Variants in CFAP61 observed in about 807,000 individuals in gnomAD.
The protein encoded by CFAP61 is cilia- and flagella-associated protein 61.
CFAP61 carries 107 observed loss-of-function variants against 135.6 expected under a neutral mutation model. The observed-to-expected ratio is 0.79, with a 90% CI of 0.67 to 0.93. CFAP61 has a LOEUF of 0.93. CFAP61 is among the 40% of genes least tolerant of loss of function. The pLI is 0.00. For missense variants in CFAP61, 1,507 were observed against 1,556.2 expected, an observed-to-expected ratio of 0.97 and a Z score of 0.53; for synonymous variants, 575 against 578.5, an observed-to-expected ratio of 0.99 and a Z score of 0.09.
intron 21 of CFAP61, among the ~76,000 whole-genome samples, chr20:20,271,600 C>T (rs559984615): frequency 4.6e-5 from 7 of 152,280 alleles, no homozygotes; most frequent in Non-Finnish European, 8.8e-5. Flanking sequence ...CGCCTTTTTA[C>T]GGGTGCTCTG....
chr20:20,067,644 A>AATATATAT (rs71988476), intron 2 of CFAP61, among the ~76,000 whole-genome samples: 5 of 129,876 alleles, frequency 3.8e-5, no homozygotes, highest in African/African-American at 1.4e-4. Context: ...TCCATCTCAA[A>AATATATAT]ATATATATAT....
chr20:20,202,878 G>A (rs530367349), intron 17 of CFAP61, among the ~76,000 whole-genome samples: 3 of 151,992 alleles, frequency 2.0e-5, no homozygotes, highest in African/African-American at 7.2e-5. Flanking sequence ...CCTATTTAAA[G>A]CATCTTAGAG....
intron 7 of CFAP61, among the ~76,000 whole-genome samples, chr20:20,096,078 C>A (rs950262676): frequency 3.3e-5 from 5 of 152,160 alleles, no homozygotes; most frequent in African/African-American, 1.2e-4. Flanking sequence ...GTGAAAAGTA[C>A]TTCTGTCACC....
intron 26 of CFAP61, among the ~76,000 whole-genome samples, chr20:20,351,613 A>C (rs1311990732): frequency 6.6e-6 from 1 of 152,080 alleles, no homozygotes; most frequent in South Asian, 2.1e-4. Context: ...ACAATAAACT[A>C]TCTGAAAAAG....
chr20:20,199,757 C>T lies in CFAP61; in HGVS notation c.1798-11C>T. 3.7e-6 allele frequency: 6 copies of T among 1,613,834 alleles called. No individual in the cohort carries two copies. Among genetic ancestry groups the T allele is most frequent in the Non-Finnish European group, 4.2e-6 (5 of 1,179,848 alleles). On this transcript the variant is annotated splice_polypyrimidine_tract_variant and intron_variant, in intron 16 of 26. Coordinates refer to ENST00000245957, the MANE Select transcript of CFAP61 (RefSeq NM_015585.4). ...ATTCTCTCCCCTAAAATATAGATTG[C>T]TGTCTTTCAGTTCCAGAACCCCTAC...
At position 20,296,402 on chromosome 20, in the gene CFAP61, CCTTCTTTCTTTCTTTTCTTT is replaced by C. The variant is rs1302071964; in HGVS notation, c.3217-1774_3217-1755del. On this transcript the variant is annotated intron_variant, in intron 24 of 26. Coordinates refer to ENST00000245957, the MANE Select transcript of CFAP61 (RefSeq NM_015585.4). ...TCCCTCCCTCCCTCCTTCCTGCCTT[CCTTCTTTCTTTCTTTTCTTT>C]CTTCCTCCCTCCCTCCTTCCTTCCC... Among the ~76,000 whole-genome samples, 119 of 112,674 alleles carry C rather than the reference CCTTCTTTCTTTCTTTTCTTT, an allele frequency of 1.1e-3. 1 individual carries two copies. The highest frequency in any genetic ancestry group is 5.3e-3 in the Admixed American group (58 of 10,974). 73.9% of individuals were successfully genotyped at this position (112,674 alleles called of 152,430 possible).
chr20:20,056,753 TTTACCTG>T lies in CFAP61; in HGVS notation c.101_107del (p.Phe34SerfsTer7), dbSNP rs775224195. On this transcript the variant is annotated frameshift_variant, in exon 2 of 27. Transcript: ENST00000245957. LOFTEE classifies it high-confidence loss of function. ...TTGTATCAAAAGCCTTATTAGAAAA[TTTACCTG>T]CAAGCTGTTTGGGAAGCTAAATATC... 14 of 1,613,816 alleles carry T rather than the reference TTTACCTG, an allele frequency of 8.7e-6. No homozygotes were observed. The highest frequency in any genetic ancestry group is 1.6e-4 in the Middle Eastern group (1 of 6,084).
chr20:20,123,658 G>C (rs1011759950), intron 8 of CFAP61, among the ~76,000 whole-genome samples: 2 of 151,356 alleles, frequency 1.3e-5, no homozygotes, highest in Non-Finnish European at 2.9e-5. Flanking sequence ...TGCTGTTTTG[G>C]TGGTGTGATG....
At chr20:20,164,631 A>G (rs953609425) in intron 11 of CFAP61, among the ~76,000 whole-genome samples, 3 of 152,056 alleles carry the variant, frequency 2.0e-5, no homozygotes, top group Non-Finnish European at 4.4e-5. Flanking sequence ...ATTGCCTCAC[A>G]TAACTAAGGA....
chr20:20,165,514 C>A (rs545351700), intron 11 of CFAP61, among the ~76,000 whole-genome samples: 7 of 152,156 alleles, frequency 4.6e-5, no homozygotes, highest in Non-Finnish European at 7.4e-5. Flanking sequence ...GCCACCCACC[C>A]TGCCCCTCCA....
chr20:20,332,739 C>A (rs2058048438), intron 25 of CFAP61, among the ~76,000 whole-genome samples: 1 of 152,252 alleles, frequency 6.6e-6, no homozygotes, highest in South Asian at 2.1e-4. Context: ...CTCTGCCTCC[C>A]AAATAGCTAG....
intron 8 of CFAP61, among the ~76,000 whole-genome samples, chr20:20,114,067 G>A (rs767729345): frequency 1.3e-5 from 2 of 150,946 alleles, no homozygotes; most frequent in Non-Finnish European, 2.9e-5. Flanking sequence ...TGAGGAGTTC[G>A]AGACCACCCT....
At position 20,288,767 on chromosome 20, in the gene CFAP61, T is replaced by C. The variant is rs983668479; in HGVS notation, c.2955T>C (p.Asn985=). 5 of 1,614,098 alleles carry C rather than the reference T, an allele frequency of 3.1e-6. No homozygotes were observed. The African/African-American group carries it at 6.7e-5, about 22-fold the overall frequency. ...CTGGCTCCCTCACCAAATTCTCCAA[T>C]AGATACTACTCAAATGAGTGGACTC... is the stretch of plus-strand genomic sequence containing the variant. ...RAAGSLTKFS[N]RYYSNEWTHS... is the part of the protein sequence containing the mutation. The change falls in exon 23 of 27, where the codon AAT becomes AAC. Residue 985 remains asparagine (N), a synonymous_variant. Transcript: ENST00000245957.
intron 6 of CFAP61, among the ~76,000 whole-genome samples, chr20:20,081,358 A>G (rs2046416834): frequency 6.6e-6 from 1 of 152,224 alleles, no homozygotes; most frequent in South Asian, 2.1e-4. Flanking sequence ...GTAGGGCTTA[A>G]TTAAGGACTT....
intron 14 of CFAP61, among the ~76,000 whole-genome samples, chr20:20,189,070 A>G (rs556107380): frequency 6.6e-6 from 1 of 152,268 alleles, no homozygotes; most frequent in East Asian, 1.9e-4. Flanking sequence ...TTATTTCTTC[A>G]TTCTACTGTT....
intron 25 of CFAP61, among the ~76,000 whole-genome samples, chr20:20,320,148 A>G (rs2057369155): frequency 6.6e-6 from 1 of 151,238 alleles, no homozygotes; most frequent in East Asian, 1.9e-4. Context: ...GGGCCTATGA[A>G]TTAGCATAGT....
intron 9 of CFAP61, among the ~76,000 whole-genome samples, chr20:20,150,711 A>C (rs1228293376): frequency 6.6e-6 from 1 of 152,224 alleles, no homozygotes; most frequent in Non-Finnish European, 1.5e-5. Context: ...GGAGACCTGA[A>C]GATAGATTGT....
intron 18 of CFAP61, among the ~76,000 whole-genome samples, chr20:20,233,313 A>G (rs2049303649): frequency 6.6e-6 from 1 of 152,204 alleles, no homozygotes; most frequent in South Asian, 2.1e-4. Flanking sequence ...TCAGAGCTCA[A>G]CCGCAATGGA....
intron 8 of CFAP61, among the ~76,000 whole-genome samples, chr20:20,105,159 T>A (rs1342630607): frequency 6.6e-6 from 1 of 152,030 alleles, no homozygotes; most frequent in East Asian, 1.9e-4. Context: ...CCCATGTTCT[T>A]CCCCTGGCTG....
Sources: gnomAD v4.1 joint callset for allele counts (sites outside exome capture counted in the v4.1 genomes callset) on GRCh38, gnomAD v4.1.1 for gene constraint, MANE v1.5 for transcripts, NCBI Gene and HGNC (gene_info 2026-07-23, HGNC 2026-07-21) for gene names.